The following SNED1 variants were observed in gnomAD, a reference collection of about 807,000 sequenced individuals.
The protein encoded by SNED1 is sushi, nidogen and EGF-like domain-containing protein 1.
In SNED1, 81 loss-of-function variants were observed where a neutral mutation model predicts 166.7. That is an observed-to-expected ratio of 0.49 (90% CI 0.41 to 0.58). SNED1 has a LOEUF of 0.58. Ranked by LOEUF, SNED1 falls within the 20% of genes least tolerant of loss-of-function variation. The probability of loss-of-function intolerance (pLI) is 0.00; values close to 1 mark genes in which losing one functional copy is unlikely to be tolerated. For missense variants in SNED1, 1,604 were observed against 2,000.2 expected (o/e 0.80, Z 3.78); for synonymous variants, 762 against 822.0 (o/e 0.93, Z 1.25).
At chr2:241,084,210 C>T (rs1013928156) in intron 29 of SNED1, among the ~76,000 whole-genome samples, 1 of 147,462 alleles carries the variant, frequency 6.8e-6, no homozygotes, top group Non-Finnish European at 1.5e-5. Flanking sequence ...GATCTTGGCT[C>T]ATCGCAACCT....
Position 240,998,767 on chromosome 2 carries a change from ACCCCCGCGCGCAGCCTAGTC to A in SNED1, c.-66_-47del. ...CGCACCCCGCCTGGCCCTGCCGGCC[ACCCCCGCGCGCAGCCTAGTC>A]CCCCAGCGCCCTGCTCCGCCAGCGC... On this transcript the variant is annotated 5_prime_UTR_variant, in exon 1 of 32. Coordinates refer to ENST00000310397, the MANE Select transcript of SNED1 (RefSeq NM_001080437.3). 1.3e-6 allele frequency: 1 copy of A among 743,058 alleles called. No homozygotes were observed. Among genetic ancestry groups the A allele is most frequent in the Non-Finnish European group, 1.7e-6 (1 of 599,888 alleles). 46.0% of individuals were successfully genotyped at this position (743,058 alleles called of 1,614,324 possible). A position where few individuals can be genotyped will look rare whatever the true frequency, so the allele number is the denominator to read the frequency against.
At chr2:241,088,153 T>C (rs998926159) in intron 30 of SNED1, 1 of 555,960 alleles carries the variant, frequency 1.8e-6, no homozygotes, top group Admixed American at 3.3e-5. Flanking sequence ...TTTCTAGCCT[T>C]GTCATTCCTA....
intron 1 of SNED1, among the ~76,000 whole-genome samples, chr2:241,001,086 T>C (rs2060063094): frequency 6.6e-6 from 1 of 152,208 alleles, no homozygotes; most frequent in Admixed American, 6.5e-5. Context: ...CTCTGGCCCT[T>C]GTCCAGCTCC....
At chr2:241,050,438 C>T (rs2125096581) in intron 12 of SNED1, among the ~76,000 whole-genome samples, 1 of 152,226 alleles carries the variant, frequency 6.6e-6, no homozygotes, top group African/African-American at 2.4e-5. Flanking sequence ...CAGACCTGTT[C>T]AGCATCTCAG....
At chr2:241,036,598 C>T (rs1269142072) in intron 4 of SNED1, among the ~76,000 whole-genome samples, 192 bp from the exon 5 acceptor site, 5 of 152,076 alleles carry the variant, frequency 3.3e-5, no homozygotes, top group East Asian at 1.9e-4. Flanking sequence ...CCAACAGCAC[C>T]GCCCCTGCTC....
At chr2:241,045,202 T>C (rs973072005) in intron 8 of SNED1, among the ~76,000 whole-genome samples, 1 of 152,214 alleles carries the variant, frequency 6.6e-6, no homozygotes, top group Non-Finnish European at 1.5e-5. Context: ...ATTAGAAGAC[T>C]CAACGTAGTA....
chr2:241,052,229 T>C (rs1010205882), intron 14 of SNED1, 72 bp downstream of exon 14: 34 of 1,479,050 alleles, frequency 2.3e-5, no homozygotes, highest in Non-Finnish European at 2.8e-5. Context: ...AACAGGCCCA[T>C]GGGCAGGGCT....
chr2:241,022,893 C>T (rs140247139), intron 1 of SNED1, among the ~76,000 whole-genome samples: 20 of 152,254 alleles, frequency 1.3e-4, no homozygotes, highest in African/African-American at 3.9e-4. Context: ...TCTCTGATAA[C>T]ATCAGGGGCT....
chr2:241,033,527 G>A (rs990367036), intron 2 of SNED1: 16 of 553,128 alleles, frequency 2.9e-5, no homozygotes, highest in Middle Eastern at 4.7e-4. Context: ...GGTTGCAGAC[G>A]GCCTCTGCTG....
At chr2:241,020,341 C>T (rs1450624001) in intron 1 of SNED1, among the ~76,000 whole-genome samples, 2 of 152,234 alleles carry the variant, frequency 1.3e-5, no homozygotes, top group African/African-American at 4.8e-5. Context: ...CCAGAGTTGG[C>T]GCTGGGGCTG....
In SNED1 at chr2:241,026,009, C is replaced by CTT. The variant is rs71404676; in HGVS notation, c.214-4252_214-4251dup. Reference sequence around the variant, plus strand: ...TTGATGTGGCTTTGTTTTTCTTTTCCTTTTTTTTTTTTTTTTTTTTTTTTG... The same window carrying CTT: ...TTGATGTGGCTTTGTTTTTCTTTTCCTTTTTTTTTTTTTTTTTTTTTTTTTTG... On this transcript the variant is annotated intron_variant, in intron 1 of 31. Coordinates refer to ENST00000310397, the MANE Select transcript of SNED1 (RefSeq NM_001080437.3). 6.7e-3 allele frequency among the ~76,000 whole-genome samples: 493 copies of CTT among 73,510 alleles called. 29 individuals are homozygous for CTT. The highest frequency in any genetic ancestry group is 0.02 in the Middle Eastern group (1 of 50). 48.2% of individuals were successfully genotyped at this position (73,510 alleles called of 152,430 possible). A position where few individuals can be genotyped will look rare whatever the true frequency, so the allele number is the denominator to read the frequency against.
At chr2:241,045,627 A>G (rs188572083) in intron 8 of SNED1, among the ~76,000 whole-genome samples, 1 of 152,124 alleles carries the variant, frequency 6.6e-6, no homozygotes, top group Non-Finnish European at 1.5e-5. Context: ...CTTCAACCTC[A>G]CACCTTATAC....
chr2:241,004,834 G>A (rs1184859011), intron 1 of SNED1, among the ~76,000 whole-genome samples: 1 of 151,738 alleles, frequency 6.6e-6, no homozygotes, highest in Non-Finnish European at 1.5e-5. Flanking sequence ...GCAATTCTGT[G>A]CCTCAGCCCC....
chr2:241,023,016 T>A (rs1035179884), intron 1 of SNED1, among the ~76,000 whole-genome samples: 1 of 152,164 alleles, frequency 6.6e-6, no homozygotes, highest in African/African-American at 2.4e-5. Flanking sequence ...TTGGCTTCAT[T>A]GATGATTCAC....
Position 241,049,878 on chromosome 2 carries a change from C to T in SNED1, c.1680C>T (p.Asp560=), listed in dbSNP as rs1485496986. ...CFNGGSCDAH[D]DSYTCECPRG... is the part of the protein sequence containing the mutation. ...ACGGAGGCTCCTGCGATGCCCATGA[C>T]GACTCCTACACCTGCGAGTGCCCGC... Residue 560 remains aspartate (D), a synonymous_variant, in exon 12 of 32, where the codon GAC becomes GAT. Transcript: ENST00000310397. 8.7e-6 allele frequency: 14 copies of T among 1,613,748 alleles called. No homozygotes were observed. The highest frequency in any genetic ancestry group is 7.7e-5 in the South Asian group (7 of 91,090).
chr2:240,998,820 C>G lies in SNED1; in HGVS notation c.-18C>G. ...GCCCTGCTCCGCCAGCGCCCCGTCC[C>G]GCCCGCACACCTCCGCGATGCGGCA... On this transcript the variant is annotated 5_prime_UTR_variant, in exon 1 of 32. Coordinates refer to ENST00000310397, the MANE Select transcript of SNED1 (RefSeq NM_001080437.3). The G allele has an allele frequency of 8.5e-7, 1 of 1,177,412 alleles. No individual in the cohort carries two copies. The highest frequency in any genetic ancestry group is 1.0e-6 in the Non-Finnish European group (1 of 952,724). The allele number at this position is 1,177,412 out of a possible 1,614,324, so 72.9% of individuals were successfully genotyped here.
chr2:241,049,220 A>T, intron 11 of SNED1, 85 bp downstream of exon 11: 1 of 1,022,244 alleles, frequency 9.8e-7, no homozygotes, highest in Non-Finnish European at 1.5e-6. Context: ...GGCAGAGGCC[A>T]GAGTCCCTAC....
At chr2:241,084,584 T>G (rs946663897) in intron 29 of SNED1, among the ~76,000 whole-genome samples, 1 of 152,222 alleles carries the variant, frequency 6.6e-6, no homozygotes, top group African/African-American at 2.4e-5. Context: ...CTTTGAATTA[T>G]TATCAGACTT....
intron 1 of SNED1, among the ~76,000 whole-genome samples, chr2:241,011,624 C>G (rs2060407103): frequency 6.6e-6 from 1 of 152,220 alleles, no homozygotes. Context: ...GGTGCTATAG[C>G]AAGTAGGCAA....
Sources: allele counts gnomAD v4.1 joint callset (sites outside exome capture counted in the v4.1 genomes callset), GRCh38; gene constraint gnomAD v4.1.1; transcripts MANE v1.5; gene names NCBI Gene and HGNC (gene_info 2026-07-23, HGNC 2026-07-21).